CMSS1: variants seen among roughly 807,000 people sequenced by gnomAD.
CMSS1 encodes cms1 ribosomal small subunit homolog, also known as protein CMSS1.
In CMSS1, 33 loss-of-function variants were observed where a neutral mutation model predicts 43.5. That is an observed-to-expected ratio of 0.76 (90% CI 0.57 to 1.01). The LOEUF is 1.01. Ranked by LOEUF, CMSS1 falls within the 50% of genes least tolerant of loss-of-function variation. The pLI is 0.00. For synonymous variants in CMSS1, 115 were observed against 117.2 expected (o/e 0.98, Z 0.12); for missense variants, 313 against 326.4 (o/e 0.96, Z 0.32).
chr3:100,094,759 C>T (rs965850998), intron 1 of CMSS1, among the ~76,000 whole-genome samples: 1 of 144,610 alleles, frequency 6.9e-6, no homozygotes. Flanking sequence ...TCTCGGCTCA[C>T]GGCAAGCTCT....
At chr3:100,163,619 C>A (rs777256817) in intron 4 of CMSS1, among the ~76,000 whole-genome samples, 1 of 152,162 alleles carries the variant, frequency 6.6e-6, no homozygotes. Flanking sequence ...TCACTGCAGC[C>A]TCGAACTCCT....
intron 1 of CMSS1, among the ~76,000 whole-genome samples, chr3:100,131,584 G>C (rs1411977597): frequency 6.6e-6 from 1 of 152,144 alleles, no homozygotes; most frequent in African/African-American, 2.4e-5. Context: ...CCCCCATCCA[G>C]CCTCAGGCCT....
chr3:99,994,989 T>C (rs1248660574), intron 1 of CMSS1, among the ~76,000 whole-genome samples: 1 of 152,156 alleles, frequency 6.6e-6, no homozygotes, highest in Non-Finnish European at 1.5e-5. Flanking sequence ...ATTCCACCCC[T>C]GGCCCCTCCA....
intron 1 of CMSS1, among the ~76,000 whole-genome samples, chr3:99,979,816 TTAGTTGGG>T (rs1346151958): frequency 1.3e-5 from 2 of 152,104 alleles, no homozygotes; most frequent in East Asian, 3.8e-4. Flanking sequence ...AGGGCACAAT[TTAGTTGGG>T]AGACAAGATG....
At chr3:99,971,034 G>A (rs1357173368) in intron 1 of CMSS1, among the ~76,000 whole-genome samples, 1 of 152,108 alleles carries the variant, frequency 6.6e-6, no homozygotes, top group African/African-American at 2.4e-5. Flanking sequence ...GCAGGTTTTG[G>A]TGTCTCTTAA....
At chr3:99,900,040 T>G (rs1706385586) in intron 1 of CMSS1, among the ~76,000 whole-genome samples, 1 of 152,218 alleles carries the variant, frequency 6.6e-6, no homozygotes, top group African/African-American at 2.4e-5. Context: ...GAAATAAATA[T>G]AAATGTATGT....
At chr3:99,851,022 C>T in intron 1 of CMSS1, 1 of 1,609,530 alleles carries the variant, frequency 6.2e-7, no homozygotes, top group African/African-American at 1.3e-5. Context: ...CCTTTTCTTG[C>T]TCCTTCTCCT....
chr3:99,863,569 C>CT (rs1265666032), intron 1 of CMSS1, among the ~76,000 whole-genome samples: 1 of 152,138 alleles, frequency 6.6e-6, no homozygotes, highest in Non-Finnish European at 1.5e-5. Flanking sequence ...CCCTAGTTGT[C>CT]TGAGAAATAG....
intron 1 of CMSS1, among the ~76,000 whole-genome samples, chr3:99,923,120 C>G (rs796102500): frequency 6.8e-4 from 103 of 151,888 alleles, no homozygotes; most frequent in African/African-American, 2.4e-3. Context: ...CCATTTTCAA[C>G]CCCCTTTTTC....
At chr3:99,951,661 T>G (rs188874154) in intron 1 of CMSS1, among the ~76,000 whole-genome samples, 1 of 152,348 alleles carries the variant, frequency 6.6e-6, no homozygotes, top group Admixed American at 6.5e-5. Flanking sequence ...GTCCCCACTA[T>G]GTTGGGCTTG....
chr3:100,096,101 T>G (rs1436266803), intron 1 of CMSS1, among the ~76,000 whole-genome samples: 1 of 152,114 alleles, frequency 6.6e-6, no homozygotes, highest in African/African-American at 2.4e-5. Context: ...AAAATGACTT[T>G]TATCCAAAAC....
intron 1 of CMSS1, chr3:100,010,082 G>A: frequency 1.8e-6 from 1 of 555,502 alleles, no homozygotes; most frequent in Non-Finnish European, 2.3e-6. Context: ...TGAGGGTTGA[G>A]TACCATACCA....
chr3:100,051,925 A>G (rs960029044), intron 1 of CMSS1, among the ~76,000 whole-genome samples: 1 of 148,808 alleles, frequency 6.7e-6, no homozygotes, highest in African/African-American at 2.4e-5. Context: ...ATTAAAATAT[A>G]TGTTTATAAT....
intron 1 of CMSS1, among the ~76,000 whole-genome samples, chr3:99,932,622 G>A (rs1321831102): frequency 6.6e-6 from 1 of 152,122 alleles, no homozygotes; most frequent in Admixed American, 6.5e-5. Context: ...AGGCACAATG[G>A]CTCACACCTG....
intron 4 of CMSS1, among the ~76,000 whole-genome samples, chr3:100,165,254 A>G (rs979414495): frequency 6.6e-5 from 10 of 152,172 alleles, no homozygotes; most frequent in African/African-American, 2.4e-4. Flanking sequence ...TTACTCACTT[A>G]ATGAGTTATA....
intron 1 of CMSS1, among the ~76,000 whole-genome samples, chr3:99,823,565 C>T (rs1188966923): frequency 6.6e-6 from 1 of 152,180 alleles, no homozygotes; most frequent in Admixed American, 6.5e-5. Flanking sequence ...TTCGCTCTGC[C>T]TCCATTGGAG....
At chr3:100,014,895 C>CTTTTTTTTTTTTTTTTT (rs1233573719) in intron 1 of CMSS1, among the ~76,000 whole-genome samples, 2 of 25,002 alleles carry the variant, frequency 8.0e-5, no homozygotes, top group African/African-American at 1.8e-4. Context: ...TTCTTTCTTT[C>CTTTTTTTTTTTTTTTTT]TTTTTTTTTT....
chr3:99,918,809 A>G (rs1707035368), intron 1 of CMSS1, among the ~76,000 whole-genome samples: 1 of 152,194 alleles, frequency 6.6e-6, no homozygotes. Context: ...CAATAACAAA[A>G]TATTTGTTTG....
At position 100,142,158 on chromosome 3, in the gene CMSS1, G is replaced by C. The variant is rs2066810596; in HGVS notation, c.65-4815G>C. On this transcript the variant is annotated intron_variant, in intron 1 of 9. Transcript: ENST00000421999. ...TGGAACAAGAAGTAACAGATTTAGAGCATTTTATAAGCAAGGTATTTTAAA... is the reference window on the plus strand; with the variant it reads ...TGGAACAAGAAGTAACAGATTTAGACCATTTTATAAGCAAGGTATTTTAAA... 2.0e-5 allele frequency among the ~76,000 whole-genome samples: 3 copies of C among 152,178 alleles called. 1 individual carries two copies. In the South Asian group the frequency reaches 6.2e-4, roughly 31 times the overall value.
Sources: allele counts gnomAD v4.1 joint callset (sites outside exome capture counted in the v4.1 genomes callset), GRCh38; gene constraint gnomAD v4.1.1; transcripts MANE v1.5; gene names NCBI Gene and HGNC (gene_info 2026-07-23, HGNC 2026-07-21).